AREL1: variants seen among roughly 807,000 people sequenced by gnomAD.
AREL1 encodes the protein apoptosis-resistant E3 ubiquitin protein ligase 1.
A neutral mutation model predicts 99.0 loss-of-function variants in AREL1; 62 were observed. The ratio of observed to expected loss-of-function variants is 0.63; its 90% CI spans 0.51 to 0.77. AREL1 has a LOEUF of 0.77. Ranked by LOEUF, AREL1 falls within the 30% of genes least tolerant of loss-of-function variation. AREL1 has a pLI of 0.00. For synonymous variants in AREL1, 380 were observed against 376.5 expected (o/e 1.01, Z -0.11); for missense variants, 879 against 1,027.6 (o/e 0.86, Z 1.98).
rs1341801666 is a variant in AREL1, at chr14:74,685,584, T to G, written c.16+16A>C. 1 of 1,613,848 alleles carries G rather than the reference T, an allele frequency of 6.2e-7. No individual in the cohort carries two copies. The highest frequency in any genetic ancestry group is 1.3e-5 in the African/African-American group (1 of 74,918). On this transcript the variant is annotated intron_variant, in intron 3 of 19. Transcript: ENST00000356357. Reference sequence around the variant, plus strand: ...TTTACAAAAATATAATAGAGAGAGCTCTTTCCATAACGTACCAATAACGTA... The same window carrying G: ...TTTACAAAAATATAATAGAGAGAGCGCTTTCCATAACGTACCAATAACGTA...
chr14:74,674,252 T>TC, intron 8 of AREL1, 141 bp from the exon 9 acceptor site: 1 of 659,664 alleles, frequency 1.5e-6, no homozygotes, highest in Non-Finnish European at 2.6e-6. Flanking sequence ...ATTTAGTGAG[T>TC]ACTAAAGTCA....
At chr14:74,671,369 GA>G (rs761463028) in intron 12 of AREL1, 38 bp downstream of exon 12, 214 of 941,916 alleles carry the variant, frequency 2.3e-4, no homozygotes, top group Non-Finnish European at 2.5e-4. Flanking sequence ...GAGTGGGGAG[GA>G]GAGTTCAAAA....
At chr14:74,664,174 A>G (rs1595333997) in intron 18 of AREL1, 100 bp from the exon 19 acceptor site, 1 of 1,361,810 alleles carries the variant, frequency 7.3e-7, no homozygotes, top group African/African-American at 1.5e-5. Context: ...GCTGTGCCCC[A>G]GTTACCGTTC....
At position 74,663,777 on chromosome 14, in the gene AREL1, C is replaced by A; in HGVS notation, c.2415G>T (p.Val805=). ...CLPTYDSYEE[V]HRMLQLAISE... is the part of the protein sequence containing the mutation. ...TGATGGCCAGCTGCAGCATCCTGTG[C>A]ACCTCTTCATAGGAGTCATATGTAG... The change falls in exon 20 of 20, where the codon GTG becomes GTT. Residue 805 remains valine, a synonymous_variant. Coordinates refer to ENST00000356357, the MANE Select transcript of AREL1 (RefSeq NM_001039479.2). 1 of 1,614,176 alleles carries A rather than the reference C, an allele frequency of 6.2e-7. No individual in the cohort carries two copies.
intron 5 of AREL1, among the ~76,000 whole-genome samples, chr14:74,679,142 C>A (rs1044843600): frequency 6.6e-6 from 1 of 152,210 alleles, no homozygotes; most frequent in African/African-American, 2.4e-5. Flanking sequence ...TCAAGTGATT[C>A]TCCCACCTCA....
intron 14 of AREL1, 74 bp from the exon 15 acceptor site, chr14:74,669,848 T>A (rs11621536): frequency 1.2e-4 from 199 of 1,593,290 alleles, no homozygotes; most frequent in Non-Finnish European, 1.6e-4. Context: ...TAGAACCACT[T>A]ATCCCTTCAA....
At chr14:74,712,227 G>A (rs1594777014) in intron 1 of AREL1, among the ~76,000 whole-genome samples, 1 of 151,972 alleles carries the variant, frequency 6.6e-6, no homozygotes, top group Non-Finnish European at 1.5e-5. Context: ...GTCAAAGAAG[G>A]TAATATGAAT....
At chr14:74,677,500 C>CTTTTTTT (rs58383006) in intron 5 of AREL1, among the ~76,000 whole-genome samples, 1 of 63,116 alleles carries the variant, frequency 1.6e-5, no homozygotes, top group Non-Finnish European at 3.0e-5. Context: ...TGTCTCTCTC[C>CTTTTTTT]TTTTTTTTTT....
rs770062986 is a variant in AREL1, at chr14:74,667,303, A to G, written c.2103+16T>C. ...ATGCCAAGTTAAGAATGGGAGTCTG[A>G]ATTGCAATCACTTACCTCAAGCTCA... On this transcript the variant is annotated intron_variant, in intron 17 of 19. Coordinates refer to ENST00000356357, the MANE Select transcript of AREL1 (RefSeq NM_001039479.2). The G allele has an allele frequency of 1.9e-6, 3 of 1,614,078 alleles. No individual in the cohort carries two copies. In the South Asian group the frequency reaches 3.3e-5, roughly 18 times the overall value.
chr14:74,666,619 C>T (rs896068524), intron 17 of AREL1, among the ~76,000 whole-genome samples: 1 of 151,160 alleles, frequency 6.6e-6, no homozygotes, highest in Non-Finnish European at 1.5e-5. Flanking sequence ...CCTCAGGAGG[C>T]ACTCAATATA....
rs367694143 is a variant in AREL1, at chr14:74,667,270, C to A, written c.2103+49G>T. Reference sequence around the variant, plus strand: ...GGTACACCAAGCTGGTTCCTGTAAGCTACAAAAATGCCAAGTTAAGAATGG... The same window carrying A: ...GGTACACCAAGCTGGTTCCTGTAAGATACAAAAATGCCAAGTTAAGAATGG... On this transcript the variant is annotated intron_variant, in intron 17 of 19. Transcript: ENST00000356357. 8.7e-6 allele frequency: 14 copies of A among 1,610,620 alleles called. No homozygotes were observed. The African/African-American group carries it at 1.5e-4, about 17-fold the overall frequency.
chr14:74,663,654 G>T lies in AREL1; in HGVS notation c.*66C>A. 6.9e-7 allele frequency: 1 copy of T among 1,441,872 alleles called. No individual in the cohort carries two copies. The highest frequency in any genetic ancestry group is 1.4e-5 in the African/African-American group (1 of 71,486). The allele number at this position is 1,441,872 out of a possible 1,614,324, so 89.3% of individuals were successfully genotyped here. On this transcript the variant is annotated 3_prime_UTR_variant, in exon 20 of 20. Coordinates refer to ENST00000356357, the MANE Select transcript of AREL1 (RefSeq NM_001039479.2). ...TATGTGTGTTAGGATCAGTGGTTAT[G>T]ATGTCTGTAACTTGCGCCCAGAAGC...
At position 74,692,290 on chromosome 14, in the gene AREL1, T is replaced by G. The variant is rs1234230628; in HGVS notation, c.-295A>C. ...ATATCATTCCTGGACTTCTCTCTAG[T>G]GCAGGGTGCAATCGACTGCCAAAGG... is the stretch of plus-strand genomic sequence containing the variant. On this transcript the variant is annotated 5_prime_UTR_variant, in exon 2 of 20. Transcript: ENST00000356357. 1 of 456,014 alleles carries G rather than the reference T, an allele frequency of 2.2e-6. No homozygotes were observed. Among genetic ancestry groups the G allele is most frequent in the East Asian group, 7.0e-5 (1 of 14,378 alleles). 28.2% of individuals were successfully genotyped at this position (456,014 alleles called of 1,614,324 possible).
chr14:74,703,199 G>A (rs915984600), intron 1 of AREL1, among the ~76,000 whole-genome samples: 2 of 152,192 alleles, frequency 1.3e-5, no homozygotes, highest in African/African-American at 4.8e-5. Flanking sequence ...AAGGTTGAAT[G>A]GACTCACAGT....
chr14:74,710,187 G>T (rs148272946), intron 1 of AREL1, among the ~76,000 whole-genome samples: 2 of 152,228 alleles, frequency 1.3e-5, no homozygotes, highest in African/African-American at 4.8e-5. Context: ...TTCATTTCAC[G>T]CTATAAGAAC....
chr14:74,669,234 G>A (rs1289625811), intron 15 of AREL1, among the ~76,000 whole-genome samples: 1 of 152,102 alleles, frequency 6.6e-6, no homozygotes, highest in African/African-American at 2.4e-5. Context: ...GTTAAAATAG[G>A]AATCACCTAC....
At chr14:74,678,329 C>CATCT in intron 5 of AREL1, 1 of 390,810 alleles carries the variant, frequency 2.6e-6, no homozygotes, top group Non-Finnish European at 5.0e-6. Context: ...AGACCCTATT[C>CATCT]CTACAAAAAA....
At chr14:74,689,516 A>G (rs2089823188) in intron 2 of AREL1, among the ~76,000 whole-genome samples, 1 of 151,650 alleles carries the variant, frequency 6.6e-6, no homozygotes, top group Non-Finnish European at 1.5e-5. Flanking sequence ...AATCTTCCCT[A>G]ATATTAAATT....
intron 1 of AREL1, among the ~76,000 whole-genome samples, chr14:74,694,462 T>C (rs1459315074): frequency 6.6e-6 from 1 of 152,192 alleles, no homozygotes; most frequent in Non-Finnish European, 1.5e-5. Context: ...AACATAACAT[T>C]ACATAAAGAA....
Sources: allele counts gnomAD v4.1 joint callset (sites outside exome capture counted in the v4.1 genomes callset), GRCh38; gene constraint gnomAD v4.1.1; transcripts MANE v1.5; gene names NCBI Gene and HGNC (gene_info 2026-07-23, HGNC 2026-07-21).